Variants in EFCAB6 observed in about 807,000 individuals in gnomAD.
EFCAB6 encodes EF-hand calcium binding domain 6.
Under a neutral mutation model 169.8 loss-of-function variants are expected in EFCAB6, and 156 were observed. The ratio of observed to expected loss-of-function variants is 0.92; its 90% CI spans 0.81 to 1.05. The LOEUF is 1.05. Ranked by LOEUF, EFCAB6 falls within the 50% of genes least tolerant of loss-of-function variation. The probability of loss-of-function intolerance (pLI) is 0.00; values close to 1 mark genes in which losing one functional copy is unlikely to be tolerated. For missense variants in EFCAB6, 1,800 were observed against 1,829.1 expected, an observed-to-expected ratio of 0.98 and a Z score of 0.29; for synonymous variants, 698 against 676.4, an observed-to-expected ratio of 1.03 and a Z score of -0.50.
chr22:43,625,950 G>A lies in EFCAB6; in HGVS notation c.2465+497C>T, dbSNP rs192225174. Among the ~76,000 whole-genome samples, 21 of 152,372 alleles carry A rather than the reference G, an allele frequency of 1.4e-4. No individual in the cohort carries two copies. In the East Asian group the frequency reaches 3.5e-3, roughly 25 times the overall value. ...CCCAGCCTTGGACAGAGGACAGGCT[G>A]TGCTCACAGGTCTCCCAAGCTTCAA... On this transcript the variant is annotated intron_variant, in intron 20 of 31. Coordinates refer to ENST00000262726, the MANE Select transcript of EFCAB6 (RefSeq NM_022785.4).
intron 18 of EFCAB6, among the ~76,000 whole-genome samples, 168 bp downstream of exon 18, chr22:43,634,934 G>C (rs1046409909): frequency 7.2e-5 from 11 of 152,250 alleles, no homozygotes; most frequent in African/African-American, 2.6e-4. Flanking sequence ...TCTGAATATG[G>C]TCAGATAAAA....
chr22:43,616,146 C>T (rs940212615), intron 20 of EFCAB6, among the ~76,000 whole-genome samples: 1 of 152,164 alleles, frequency 6.6e-6, no homozygotes, highest in African/African-American at 2.4e-5. Flanking sequence ...CAGATAAATG[C>T]TATTCAACTT....
intron 23 of EFCAB6, among the ~76,000 whole-genome samples, chr22:43,590,740 G>C (rs1366809042): frequency 3.7e-5 from 5 of 135,464 alleles, no homozygotes; most frequent in Admixed American, 7.3e-5. Flanking sequence ...AGGTTTGAAG[G>C]CCAAAAAAAA....
intron 17 of EFCAB6, among the ~76,000 whole-genome samples, chr22:43,659,417 C>T (rs747125442): frequency 1.7e-4 from 26 of 152,108 alleles, no homozygotes; most frequent in Non-Finnish European, 2.6e-4. Flanking sequence ...CCAGCACTTT[C>T]GGAGGCTGAG....
intron 6 of EFCAB6, among the ~76,000 whole-genome samples, chr22:43,750,883 T>A (rs1213388555): frequency 6.6e-6 from 1 of 152,254 alleles, no homozygotes; most frequent in Non-Finnish European, 1.5e-5. Context: ...TCAGCAATTA[T>A]AATTATTTAC....
chr22:43,688,540 A>C (rs1295022775), intron 10 of EFCAB6, among the ~76,000 whole-genome samples: 1 of 152,196 alleles, frequency 6.6e-6, no homozygotes, highest in Non-Finnish European at 1.5e-5. Flanking sequence ...GGGTTTCAGA[A>C]AGACCAGAGT....
At chr22:43,588,668 CTT>C (rs1454058276) in intron 24 of EFCAB6, among the ~76,000 whole-genome samples, 1 of 151,946 alleles carries the variant, frequency 6.6e-6, no homozygotes, top group Non-Finnish European at 1.5e-5. Context: ...AGTCAAGAAA[CTT>C]TCTAAGAATT....
chr22:43,727,374 G>C (rs1238855096), intron 8 of EFCAB6, among the ~76,000 whole-genome samples: 1 of 152,144 alleles, frequency 6.6e-6, no homozygotes, highest in Non-Finnish European at 1.5e-5. Flanking sequence ...GCTGCAGTGA[G>C]CTATGATTGC....
chr22:43,566,207 A>G (rs953605717), intron 26 of EFCAB6, among the ~76,000 whole-genome samples: 3 of 152,016 alleles, frequency 2.0e-5, no homozygotes, highest in African/African-American at 7.2e-5. Flanking sequence ...GGGAGTAGAT[A>G]CTCCAGCACG....
chr22:43,604,351 C>T (rs758683039), intron 22 of EFCAB6, among the ~76,000 whole-genome samples: 90 of 152,158 alleles, frequency 5.9e-4, no homozygotes, highest in Non-Finnish European at 6.9e-4. Context: ...CCAAATTCCA[C>T]CCATTACTCT....
intron 3 of EFCAB6, among the ~76,000 whole-genome samples, chr22:43,777,611 C>A (rs1441788932): frequency 6.6e-6 from 1 of 152,172 alleles, no homozygotes; most frequent in East Asian, 1.9e-4. Context: ...CTCTGCCCAC[C>A]AGCCTGAACA....
intron 30 of EFCAB6, 85 bp from the exon 31 acceptor site, chr22:43,531,049 G>T (rs1164388337): frequency 1.3e-6 from 2 of 1,561,916 alleles, no homozygotes; most frequent in Non-Finnish European, 1.7e-6. Context: ...CCCCCGCCTC[G>T]CCCAGCCCTG....
chr22:43,687,601 CA>C lies in EFCAB6; in HGVS notation c.1032-21del. 1 of 1,451,826 alleles carries C rather than the reference CA, an allele frequency of 6.9e-7. No individual in the cohort carries two copies. The allele number at this position is 1,451,826 out of a possible 1,614,324, so 89.9% of individuals were successfully genotyped here. ...CCAAATCTGGATTTAAAAGTAACAA[CA>C]AAAAACATTACTTTAAACATTTTTT... On this transcript the variant is annotated intron_variant, in intron 10 of 31. Transcript: ENST00000262726.
intron 25 of EFCAB6, among the ~76,000 whole-genome samples, chr22:43,578,209 C>A (rs1251562644): frequency 2.6e-5 from 4 of 152,144 alleles, no homozygotes; most frequent in African/African-American, 4.8e-5. Flanking sequence ...CCTCAGTTTC[C>A]CCTCCTGTAG....
At chr22:43,674,231 T>C (rs779502965) in intron 13 of EFCAB6, among the ~76,000 whole-genome samples, 4 of 152,254 alleles carry the variant, frequency 2.6e-5, no homozygotes, top group Non-Finnish European at 4.4e-5. Flanking sequence ...TTTTCGCCTA[T>C]TGCACATCTA....
At chr22:43,667,387 G>A (rs1181012676) in intron 16 of EFCAB6, 115 bp from the exon 17 acceptor site, 6 of 1,305,388 alleles carry the variant, frequency 4.6e-6, no homozygotes, top group Admixed American at 4.5e-5. Context: ...TCCCATCCTC[G>A]GTTCACTAGC....
chr22:43,753,192 C>T (rs1369197235), intron 6 of EFCAB6, among the ~76,000 whole-genome samples: 3 of 152,152 alleles, frequency 2.0e-5, no homozygotes, highest in Non-Finnish European at 4.4e-5. Context: ...GCTCCTAGGA[C>T]ATTATGGAGA....
chr22:43,765,807 T>C lies in EFCAB6; in HGVS notation c.352-414A>G, dbSNP rs776088715. On this transcript the variant is annotated intron_variant, in intron 4 of 31. Coordinates refer to ENST00000262726, the MANE Select transcript of EFCAB6 (RefSeq NM_022785.4). ...CGAGTTTGTACATACAGTTTTAAGGTAGAAAAAAATCCATTTTTAAATTAA... is the reference window on the plus strand; with the variant it reads ...CGAGTTTGTACATACAGTTTTAAGGCAGAAAAAAATCCATTTTTAAATTAA... Among the ~76,000 whole-genome samples, 29 of 152,220 alleles carry C rather than the reference T, an allele frequency of 1.9e-4. No homozygotes were observed. In the Middle Eastern group the frequency reaches 0.01, roughly 54 times the overall value.
At chr22:43,632,356 G>A in intron 18 of EFCAB6, 118 bp from the exon 19 acceptor site, 1 of 1,408,608 alleles carries the variant, frequency 7.1e-7, no homozygotes. Context: ...CTGGAGCGCA[G>A]TGGTGCAATC....
Sources: allele counts gnomAD v4.1 joint callset (sites outside exome capture counted in the v4.1 genomes callset), GRCh38; gene constraint gnomAD v4.1.1; transcripts MANE v1.5; gene names NCBI Gene and HGNC (gene_info 2026-07-23, HGNC 2026-07-21).